The following NTM variants were observed in gnomAD, a reference collection of about 807,000 sequenced individuals.
NTM encodes the protein IgLON family member 2.
A neutral mutation model predicts 42.1 loss-of-function variants in NTM; 13 were observed. The ratio of observed to expected loss-of-function variants is 0.31; its 90% CI spans 0.20 to 0.49. NTM has a LOEUF of 0.49. Ranked by LOEUF, NTM falls within the 20% of genes least tolerant of loss-of-function variation. The pLI, the probability that NTM is intolerant of heterozygous loss-of-function variation, is 0.99. For synonymous variants in NTM, 187 were observed against 179.2 expected (o/e 1.04, Z -0.35); for missense variants, 373 against 452.8 (o/e 0.82, Z 1.60).
intron 1 of NTM, among the ~76,000 whole-genome samples, chr11:131,857,712 C>T (rs1206924419): frequency 6.6e-6 from 1 of 152,174 alleles, no homozygotes; most frequent in African/African-American, 2.4e-5. Flanking sequence ...TACATCTTTC[C>T]TATCTCCATT....
chr11:132,255,818 C>G (rs1313633324), intron 4 of NTM, among the ~76,000 whole-genome samples: 16 of 152,122 alleles, frequency 1.1e-4, no homozygotes. Flanking sequence ...TCAGCCTCCC[C>G]CTTCCCTGCT....
chr11:132,072,783 G>A (rs1039178674), intron 2 of NTM, among the ~76,000 whole-genome samples: 2 of 152,248 alleles, frequency 1.3e-5, no homozygotes, highest in Middle Eastern at 3.4e-3. Flanking sequence ...GGGCCTCTGC[G>A]GGACTCTGGC....
chr11:131,789,599 AAG>A (rs2090381589), intron 1 of NTM, among the ~76,000 whole-genome samples: 2 of 71,224 alleles, frequency 2.8e-5, no homozygotes, highest in Non-Finnish European at 2.8e-5. Context: ...GAAGAAGAAG[AAG>A]AAGAAGAAGA....
intron 1 of NTM, among the ~76,000 whole-genome samples, chr11:131,573,114 G>A (rs318953): frequency 0.54 from 82,158 of 151,984 alleles, 22,456 homozygotes; most frequent in South Asian, 0.68. Flanking sequence ...AGTAGCAGCC[G>A]AAGCCCAGGA....
At chr11:131,645,556 C>G (rs1475298929) in intron 1 of NTM, among the ~76,000 whole-genome samples, 3 of 152,230 alleles carry the variant, frequency 2.0e-5, no homozygotes, top group African/African-American at 7.2e-5. Flanking sequence ...AAATCTTACT[C>G]TTTTACAGAC....
chr11:131,661,101 C>T lies in NTM; in HGVS notation c.83-250463C>T, dbSNP rs567880165. The T allele has an allele frequency of 8.0e-5, 100 of 1,244,318 alleles. No homozygotes were observed. The African/African-American group carries it at 1.1e-3, about 13-fold the overall frequency. 77.1% of individuals were successfully genotyped at this position (1,244,318 alleles called of 1,614,324 possible). ...TTGCACAGACTGGTGGGGGGGTCTT[C>T]CCCCTAGATTCGGTGGAGATTCCTT... On this transcript the variant is annotated intron_variant, in intron 1 of 8. Transcript: ENST00000683400.
At chr11:131,371,679 A>C (rs1272054727) in intron 1 of NTM, among the ~76,000 whole-genome samples, 2 of 152,118 alleles carry the variant, frequency 1.3e-5, no homozygotes, top group East Asian at 3.9e-4. Flanking sequence ...ATCGGCCTCC[A>C]CCTTGAGTCC....
chr11:132,107,525 T>A (rs971606906), intron 2 of NTM, among the ~76,000 whole-genome samples: 8 of 148,466 alleles, frequency 5.4e-5, no homozygotes, highest in Non-Finnish European at 1.1e-4. Context: ...ATCTTTTTTT[T>A]TCCTTTATTT....
chr11:132,090,875 A>C (rs139605621), intron 2 of NTM, among the ~76,000 whole-genome samples: 70 of 152,240 alleles, frequency 4.6e-4, no homozygotes, highest in African/African-American at 1.6e-3. Flanking sequence ...ATATATTTCT[A>C]TACAGTGGTG....
intron 1 of NTM, among the ~76,000 whole-genome samples, chr11:131,693,787 T>C (rs1244454523): frequency 6.6e-6 from 1 of 152,004 alleles, no homozygotes; most frequent in Non-Finnish European, 1.5e-5. Flanking sequence ...CACTATGGAG[T>C]GTCTCTCTCC....
intron 1 of NTM, among the ~76,000 whole-genome samples, chr11:131,793,826 C>A (rs138981087): frequency 5.9e-5 from 9 of 152,286 alleles, no homozygotes; most frequent in Non-Finnish European, 1.2e-4. Context: ...AGCATACGGG[C>A]TGAGGGCCAG....
intron 1 of NTM, among the ~76,000 whole-genome samples, chr11:131,850,328 CAGG>C (rs931308416): frequency 1.3e-5 from 2 of 151,994 alleles, no homozygotes; most frequent in Non-Finnish European, 2.9e-5. Flanking sequence ...CCATTGTAAC[CAGG>C]AGAAAAATAA....
In NTM at chr11:132,212,166, G is replaced by C; in HGVS notation, c.526+19G>C. The C allele has an allele frequency of 6.2e-7, 1 of 1,604,712 alleles. No homozygotes were observed. Among genetic ancestry groups the C allele is most frequent in the Non-Finnish European group, 8.5e-7 (1 of 1,175,944 alleles). Reference sequence around the variant, plus strand: ...CCCAAAGGTAAGAGAACAGTTTGTTGCATTGCATCATGAGGATAAATGGGG... The same window carrying C: ...CCCAAAGGTAAGAGAACAGTTTGTTCCATTGCATCATGAGGATAAATGGGG... On this transcript the variant is annotated intron_variant, in intron 4 of 8. Transcript: ENST00000683400.
Position 132,102,191 on chromosome 11 carries a change from T to C in NTM, c.168-44091T>C, listed in dbSNP as rs1418655328. ...GGAAACATTACTTTAGCTCCCAAAG[T>C]ATCCGAACTATGACTTTTTCTGTCT... On this transcript the variant is annotated intron_variant, in intron 2 of 8. Coordinates refer to ENST00000683400, the MANE Select transcript of NTM (RefSeq NM_001352005.2). Among the ~76,000 whole-genome samples the C allele has an allele frequency of 2.0e-5, 3 of 152,256 alleles. No homozygotes were observed. The South Asian group carries it at 6.2e-4, about 31-fold the overall frequency.
intron 2 of NTM, among the ~76,000 whole-genome samples, chr11:132,057,771 C>T (rs2079933221): frequency 6.6e-6 from 1 of 152,164 alleles, no homozygotes; most frequent in Non-Finnish European, 1.5e-5. Context: ...GTTTTTTTCT[C>T]AACATCTTTC....
intron 1 of NTM, among the ~76,000 whole-genome samples, chr11:131,746,459 A>G (rs2081847970): frequency 6.6e-6 from 1 of 152,214 alleles, no homozygotes; most frequent in South Asian, 2.1e-4. Context: ...AGGAAGCGGC[A>G]AAGAGAAGGA....
chr11:131,605,849 T>C (rs2060905301), intron 1 of NTM: 1 of 984,270 alleles, frequency 1.0e-6, no homozygotes. Flanking sequence ...AAGCCTCTTC[T>C]TGGACTATCT....
intron 2 of NTM, among the ~76,000 whole-genome samples, chr11:131,942,820 T>A (rs2059941652): frequency 6.6e-6 from 1 of 151,730 alleles, no homozygotes; most frequent in African/African-American, 2.4e-5. Context: ...GTGACACGTG[T>A]CTGTAACCCC....
At chr11:131,882,256 A>G (rs1273297007) in intron 1 of NTM, among the ~76,000 whole-genome samples, 1 of 152,234 alleles carries the variant, frequency 6.6e-6, no homozygotes, top group Non-Finnish European at 1.5e-5. Flanking sequence ...AATTACAGAG[A>G]CCGGCAAGTT....
Sources: gnomAD v4.1 joint callset for allele counts (sites outside exome capture counted in the v4.1 genomes callset) on GRCh38, gnomAD v4.1.1 for gene constraint, MANE v1.5 for transcripts, NCBI Gene and HGNC (gene_info 2026-07-23, HGNC 2026-07-21) for gene names.